The following DSC3 variants were observed in gnomAD, a reference collection of about 807,000 sequenced individuals.
DSC3 encodes the protein desmocollin-3.
Under a neutral mutation model 89.5 loss-of-function variants are expected in DSC3, and 97 were observed. The ratio of observed to expected loss-of-function variants is 1.08; its 90% confidence interval spans 0.92 to 1.28. DSC3 has a LOEUF of 1.28. Ranked by LOEUF, DSC3 falls within the 50% of genes most tolerant of loss-of-function variation. DSC3 has a pLI of 0.00. For synonymous variants in DSC3, 436 were observed against 384.1 expected (o/e 1.14, Z -1.58); for missense variants, 1,199 against 1,085.3 (o/e 1.10, Z -1.47).
Position 30,989,953 on chromosome 18 carries a change from A to G in DSC3, c.*4222T>C, listed in dbSNP as rs981956814. 6 of 152,346 alleles carry G rather than the reference A, an allele frequency of 3.9e-5. No homozygotes were observed. Among genetic ancestry groups the G allele is most frequent in the African/African-American group, 1.4e-4 (6 of 41,450 alleles). 9.4% of individuals were successfully genotyped at this position (152,346 alleles called of 1,614,324 possible). ...AATAAAATAAGTGTTATCAATGTTC[A>G]TTGTGAAAAAATCAACACAGAAAGA... On this transcript the variant is annotated 3_prime_UTR_variant, in exon 16 of 16. Coordinates refer to ENST00000360428, the MANE Select transcript of DSC3 (RefSeq NM_001941.5).
At chr18:31,001,519 A>G in intron 14 of DSC3, 99 bp downstream of exon 14, 1 of 1,390,098 alleles carries the variant, frequency 7.2e-7, no homozygotes, top group Non-Finnish European at 9.9e-7. Context: ...ATCTGATTCA[A>G]TTAAAAATAT....
intron 14 of DSC3, among the ~76,000 whole-genome samples, chr18:30,999,004 G>C (rs1357065788): frequency 6.6e-6 from 1 of 152,096 alleles, no homozygotes; most frequent in Non-Finnish European, 1.5e-5. Flanking sequence ...GGGAACTAGA[G>C]GATGACAAAG....
chr18:31,004,191 A>C lies in DSC3; in HGVS notation c.2064T>G (p.Leu688=), dbSNP rs1304791112. ...RATSRSTGVI[L]GKWAILAILL... Reference sequence around the variant, plus strand: ...ATATTGCAAGGATTGCCCATTTTCCAAGTATTACTCCTGTACTCCTTGAAG... The same window carrying C: ...ATATTGCAAGGATTGCCCATTTTCCCAGTATTACTCCTGTACTCCTTGAAG... The change falls in exon 13 of 16, where the codon CTT becomes CTG. Residue 688 remains leucine, a synonymous_variant. Transcript: ENST00000360428. 1 of 1,613,968 alleles carries C rather than the reference A, an allele frequency of 6.2e-7. No homozygotes were observed. Among genetic ancestry groups the C allele is most frequent in the Non-Finnish European group, 8.5e-7 (1 of 1,179,898 alleles).
chr18:30,992,654 C>CGGTT lies in DSC3; in HGVS notation c.*1520_*1521insAACC, dbSNP rs1984308674. The CGGTT allele has an allele frequency of 6.6e-6, 1 of 152,278 alleles. No homozygotes were observed. Among genetic ancestry groups the CGGTT allele is most frequent in the East Asian group, 1.9e-4 (1 of 5,200 alleles). 9.4% of individuals were successfully genotyped at this position (152,278 alleles called of 1,614,324 possible). A position where few individuals can be genotyped will look rare whatever the true frequency, so the allele number is the denominator to read the frequency against. Reference sequence around the variant, plus strand: ...GTTGCCCTCTGACTGTACAAATAACCTACTTGGGCTGCTTTCTCCCAAAGT... The same window carrying CGGTT: ...GTTGCCCTCTGACTGTACAAATAACCGGTTTACTTGGGCTGCTTTCTCCCAAAGT... On this transcript the variant is annotated 3_prime_UTR_variant, in exon 16 of 16. Transcript: ENST00000360428.
chr18:30,994,367 C>G lies in DSC3; in HGVS notation c.2499G>C (p.Leu833Phe). The change falls in exon 16 of 16, where the codon TTG (leucine) becomes TTC (phenylalanine). Residue 833 changes from leucine to phenylalanine, a missense_variant. Transcript: ENST00000360428. ...SFTQPRLGEK[L>F]HRCNQNEDRM... Reference sequence around the variant, plus strand: ...GGTCTTCATTCTGATTACATCGATGCAATTTCTGTAAAATTTTTTAAAAAA... The same window carrying G: ...GGTCTTCATTCTGATTACATCGATGGAATTTCTGTAAAATTTTTTAAAAAA... The G allele has an allele frequency of 1.2e-6, 2 of 1,613,568 alleles. No homozygotes were observed. Among genetic ancestry groups the G allele is most frequent in the Non-Finnish European group, 1.7e-6 (2 of 1,179,772 alleles).
intron 1 of DSC3, among the ~76,000 whole-genome samples, chr18:31,041,315 T>C (rs1030389516): frequency 2.0e-5 from 3 of 152,254 alleles, no homozygotes; most frequent in African/African-American, 7.2e-5. Context: ...CTAAGCCGTT[T>C]CCATTTGTAG....
intron 7 of DSC3, among the ~76,000 whole-genome samples, chr18:31,020,654 A>G (rs187772664): frequency 9.3e-4 from 142 of 152,084 alleles, no homozygotes; most frequent in Admixed American, 8.4e-3. Flanking sequence ...CTGAAAGTCA[A>G]TATTCTAGTC....
chr18:30,995,971 T>TGAAAAAAAAAAA (rs1984440687), intron 15 of DSC3, among the ~76,000 whole-genome samples: 1 of 37,014 alleles, frequency 2.7e-5, no homozygotes. Flanking sequence ...GACCCTGCCT[T>TGAAAAAAAAAAA]AAAAAAAAAA....
intron 13 of DSC3, among the ~76,000 whole-genome samples, chr18:31,003,567 GC>G (rs1213328840): frequency 1.3e-5 from 2 of 152,114 alleles, no homozygotes; most frequent in African/African-American, 4.8e-5. Flanking sequence ...TAAGTAATTT[GC>G]CCCAGGTCAC....
At chr18:31,036,798 C>CTTTTTTTTTTTTTTTT (rs775187201) in intron 1 of DSC3, among the ~76,000 whole-genome samples, 17,178 of 102,552 alleles carry the variant, frequency 0.17, 2,873 homozygotes, top group East Asian at 0.43. Context: ...TTCTTTCTTC[C>CTTTTTTTTTTTTTTTT]TTTTTTTTTT....
At chr18:31,010,461 A>G (rs1567953550) in intron 9 of DSC3, among the ~76,000 whole-genome samples, 1 of 152,078 alleles carries the variant, frequency 6.6e-6, no homozygotes, top group South Asian at 2.1e-4. Flanking sequence ...TCTTTGTCCC[A>G]TTTTTCGAGG....
intron 14 of DSC3, 29 bp from the exon 15 acceptor site, chr18:30,997,077 T>G: frequency 6.2e-7 from 1 of 1,613,728 alleles, no homozygotes; most frequent in Non-Finnish European, 8.5e-7. Flanking sequence ...ATAATTCATG[T>G]TGAGAGGAAA....
At chr18:31,010,619 T>C (rs934757160) in intron 9 of DSC3, among the ~76,000 whole-genome samples, 2 of 152,182 alleles carry the variant, frequency 1.3e-5, no homozygotes, top group African/African-American at 4.8e-5. Flanking sequence ...TACGTTTTTG[T>C]TTCGCCACTT....
chr18:31,032,885 G>A (rs1036186049), intron 1 of DSC3, among the ~76,000 whole-genome samples: 1 of 151,972 alleles, frequency 6.6e-6, no homozygotes, highest in African/African-American at 2.4e-5. Context: ...GAAAGGAAAA[G>A]GTAAAATTGT....
At chr18:31,001,579 T>A in intron 14 of DSC3, 39 bp downstream of exon 14, 1 of 1,600,300 alleles carries the variant, frequency 6.2e-7, no homozygotes, top group Non-Finnish European at 8.5e-7. Context: ...AATTAAATTA[T>A]CGGAGATACA....
At chr18:31,031,528 C>T (rs1332175354) in intron 2 of DSC3, among the ~76,000 whole-genome samples, 1 of 152,114 alleles carries the variant, frequency 6.6e-6, no homozygotes, top group Non-Finnish European at 1.5e-5. Context: ...AGAAGAGTTT[C>T]CCTAACAATA....
At chr18:31,030,910 C>T (rs915997492) in intron 3 of DSC3, 63 bp downstream of exon 3, 4 of 1,454,098 alleles carry the variant, frequency 2.8e-6, no homozygotes, top group Non-Finnish European at 3.8e-6. Context: ...TTTCTCTTTG[C>T]AATTTTTAAT....
chr18:30,998,839 C>T (rs1984559887), intron 14 of DSC3, among the ~76,000 whole-genome samples: 2 of 152,194 alleles, frequency 1.3e-5, no homozygotes, highest in East Asian at 1.9e-4. Flanking sequence ...AAAGTATAAG[C>T]GCCCATTGGA....
intron 9 of DSC3, among the ~76,000 whole-genome samples, chr18:31,013,089 T>C (rs1243356357): frequency 6.6e-6 from 1 of 152,146 alleles, no homozygotes; most frequent in Non-Finnish European, 1.5e-5. Flanking sequence ...AATACTAAAA[T>C]GCATATTATA....
Sources: allele counts gnomAD v4.1 joint callset (sites outside exome capture counted in the v4.1 genomes callset), GRCh38; gene constraint gnomAD v4.1.1; transcripts MANE v1.5; gene names NCBI Gene and HGNC (gene_info 2026-07-23, HGNC 2026-07-21).